The following MACROD2 variants were observed in gnomAD, a reference collection of about 807,000 sequenced individuals.
MACROD2 encodes the protein mono-ADP ribosylhydrolase 2, also known as ADP-ribose glycohydrolase MACROD2.
MACROD2 carries 36 observed loss-of-function variants against 70.4 expected under a neutral mutation model. The ratio of observed to expected loss-of-function variants is 0.51; its 90% CI spans 0.39 to 0.68. The LOEUF (loss-of-function observed/expected upper bound fraction) is 0.68. MACROD2 is among the 30% of genes least tolerant of loss of function. The probability of loss-of-function intolerance (pLI) is 0.00; values close to 1 mark genes in which losing one functional copy is unlikely to be tolerated. For synonymous variants in MACROD2, 172 were observed against 178.8 expected (o/e 0.96, Z 0.30); for missense variants, 496 against 538.4 (o/e 0.92, Z 0.78).
intron 4 of MACROD2, among the ~76,000 whole-genome samples, chr20:14,546,631 T>G (rs2123247616): frequency 6.6e-6 from 1 of 152,306 alleles, no homozygotes; most frequent in South Asian, 2.1e-4. Context: ...TACTCAACTC[T>G]TCCCCCTACC....
intron 8 of MACROD2, among the ~76,000 whole-genome samples, chr20:15,653,437 T>G (rs911653775): frequency 1.3e-5 from 2 of 152,230 alleles, no homozygotes; most frequent in Non-Finnish European, 2.9e-5. Context: ...TTTGGCTATA[T>G]GCAAGATCAG....
intron 6 of MACROD2, among the ~76,000 whole-genome samples, chr20:15,257,573 G>A (rs144429525): frequency 3.9e-5 from 6 of 152,074 alleles, no homozygotes; most frequent in African/African-American, 9.6e-5. Context: ...TGGTCCCATG[G>A]GATCATAATG....
At chr20:15,354,873 A>T (rs1440347447) in intron 6 of MACROD2, among the ~76,000 whole-genome samples, 1 of 152,230 alleles carries the variant, frequency 6.6e-6, no homozygotes, top group Non-Finnish European at 1.5e-5. Context: ...TATCTGTACC[A>T]TGATAGAACT....
chr20:14,595,802 C>T (rs6079504), intron 4 of MACROD2, among the ~76,000 whole-genome samples: 80,092 of 151,970 alleles, frequency 0.53, 22,603 homozygotes, highest in Middle Eastern at 0.64. Flanking sequence ...TGTTGAAAGA[C>T]ATTTATGCAT....
Position 15,658,989 on chromosome 20 carries a change from G to A in MACROD2, c.645+159142G>A, listed in dbSNP as rs1429935579. On this transcript the variant is annotated intron_variant, in intron 8 of 17. Coordinates refer to ENST00000684519, the MANE Select transcript of MACROD2 (RefSeq NM_001351661.2). The stretch of plus-strand genomic sequence containing the variant: ...TCTTAAGACATATAGTAACATAGTT[G>A]CTTTTAATTTTTAAATTTTAAGGAT... 6.6e-5 allele frequency among the ~76,000 whole-genome samples: 10 copies of A among 152,270 alleles called. No individual in the cohort carries two copies. In the South Asian group the frequency reaches 2.1e-3, roughly 32 times the overall value.
chr20:15,686,872 CAA>C (rs142175244), intron 8 of MACROD2, among the ~76,000 whole-genome samples: 16,925 of 67,920 alleles, frequency 0.25, 539 homozygotes, highest in African/African-American at 0.28. Context: ...GACTCCATCT[CAA>C]AAAAAAAAAA....
intron 8 of MACROD2, among the ~76,000 whole-genome samples, chr20:15,560,865 C>G (rs1317489273): frequency 7.0e-6 from 1 of 143,006 alleles, no homozygotes; most frequent in Non-Finnish European, 1.5e-5. Flanking sequence ...TTTAGGTGGT[C>G]TGGTTTATGT....
intron 3 of MACROD2, among the ~76,000 whole-genome samples, chr20:14,206,208 G>A (rs1460787218): frequency 6.6e-6 from 1 of 152,212 alleles, no homozygotes; most frequent in Non-Finnish European, 1.5e-5. Flanking sequence ...GAATTATCCA[G>A]TCTAAAATGT....
At chr20:15,756,462 C>T (rs2051349159) in intron 8 of MACROD2, among the ~76,000 whole-genome samples, 1 of 152,046 alleles carries the variant, frequency 6.6e-6, no homozygotes, top group African/African-American at 2.4e-5. Context: ...TTTTAACCCC[C>T]TAAGCAGGAG....
At chr20:14,413,780 C>T (rs2083774049) in intron 3 of MACROD2, among the ~76,000 whole-genome samples, 1 of 152,010 alleles carries the variant, frequency 6.6e-6, no homozygotes, top group African/African-American at 2.4e-5. Context: ...GTGATGAAAA[C>T]TTTTGCTGCT....
At chr20:14,627,128 A>G (rs904800313) in intron 4 of MACROD2, 1 of 152,220 alleles carries the variant, frequency 6.6e-6, no homozygotes, top group South Asian at 2.1e-4. Flanking sequence ...CTAACTTACT[A>G]TATGAACTAG....
intron 5 of MACROD2, among the ~76,000 whole-genome samples, chr20:15,167,064 T>A (rs1361181679): frequency 1.3e-5 from 2 of 151,880 alleles, no homozygotes; most frequent in Admixed American, 1.3e-4. Context: ...ACTTATTGTC[T>A]ACATAGAGCA....
chr20:15,761,492 G>T (rs1016803972), intron 8 of MACROD2, among the ~76,000 whole-genome samples: 5 of 152,076 alleles, frequency 3.3e-5, no homozygotes, highest in African/African-American at 1.2e-4. Context: ...AACAAAAATC[G>T]CTTCAATGAT....
At chr20:15,419,736 G>A (rs1300261917) in intron 6 of MACROD2, among the ~76,000 whole-genome samples, 1 of 152,144 alleles carries the variant, frequency 6.6e-6, no homozygotes, top group Non-Finnish European at 1.5e-5. Flanking sequence ...ACCTAAGGGC[G>A]TCCCCCTGCA....
chr20:14,248,092 TA>T (rs34067835), intron 3 of MACROD2, among the ~76,000 whole-genome samples: 30,241 of 151,718 alleles, frequency 0.2, 3,299 homozygotes, highest in South Asian at 0.32. Context: ...TGATACGCCA[TA>T]TTTTTTTTAC....
Position 14,916,177 on chromosome 20 carries a change from A to G in MACROD2, c.418+231218A>G, listed in dbSNP as rs956622785. ...GCAGAAAAGCACCAAAGGCAGCATC[A>G]TGAAACGCAGAGCTGTTAATTCCCA... On this transcript the variant is annotated intron_variant, in intron 5 of 17. Coordinates refer to ENST00000684519, the MANE Select transcript of MACROD2 (RefSeq NM_001351661.2). Among the ~76,000 whole-genome samples the G allele has an allele frequency of 2.0e-5, 3 of 152,190 alleles. 1 individual carries two copies. Among genetic ancestry groups the G allele is most frequent in the Non-Finnish European group, 4.4e-5 (3 of 68,034 alleles).
intron 5 of MACROD2, among the ~76,000 whole-genome samples, chr20:15,021,039 T>TATATGCATACACATGTGC (rs1172150257): frequency 2.1e-5 from 3 of 145,712 alleles, no homozygotes; most frequent in Non-Finnish European, 3.1e-5. Flanking sequence ...TGCATATACG[T>TATATGCATACACATGTGC]ATATGCATAC....
chr20:14,403,935 T>G (rs916735295), intron 3 of MACROD2, among the ~76,000 whole-genome samples: 11 of 152,062 alleles, frequency 7.2e-5, no homozygotes, highest in South Asian at 6.2e-4. Context: ...GAATAAAAAT[T>G]TATATGTTTA....
chr20:15,656,743 G>A (rs2049736634), intron 8 of MACROD2, among the ~76,000 whole-genome samples: 1 of 152,120 alleles, frequency 6.6e-6, no homozygotes, highest in Non-Finnish European at 1.5e-5. Flanking sequence ...CCTATAGCAT[G>A]CAGATGCTCC....
Sources: allele counts gnomAD v4.1 joint callset (sites outside exome capture counted in the v4.1 genomes callset), GRCh38; gene constraint gnomAD v4.1.1; transcripts MANE v1.5; gene names NCBI Gene and HGNC (gene_info 2026-07-23, HGNC 2026-07-21).